Variants in FBN1 observed in about 807,000 individuals in gnomAD.
FBN1 encodes the protein fibrillin 1.
Under a neutral mutation model 365.1 loss-of-function variants are expected in FBN1, and 29 were observed. The ratio of observed to expected loss-of-function variants is 0.08; its 90% CI spans 0.06 to 0.11. The LOEUF is 0.11. Ranked by LOEUF, FBN1 falls within the 10% of genes least tolerant of loss-of-function variation. FBN1 has a pLI of 1.00. For synonymous variants in FBN1, 1,210 were observed against 1,270.5 expected (o/e 0.95, Z 1.01); for missense variants, 2,476 against 3,703.2 (o/e 0.67, Z 8.60).
At chr15:48,456,839 C>CGTGT (rs766292110) in intron 43 of FBN1, 77 bp from the exon 44 acceptor site, 46 of 999,492 alleles carry the variant, frequency 4.6e-5, no homozygotes, top group East Asian at 1.8e-4. Flanking sequence ...ATGGAAAGTG[C>CGTGT]GTGCGTGTGT....
chr15:48,539,229 A>G (rs978970747), intron 6 of FBN1, among the ~76,000 whole-genome samples: 3 of 152,174 alleles, frequency 2.0e-5, no homozygotes, highest in South Asian at 2.1e-4. Flanking sequence ...GCTATCTGCA[A>G]TGAACCACCT....
At chr15:48,422,151 T>G in intron 60 of FBN1, 83 bp from the exon 61 acceptor site, 1 of 942,616 alleles carries the variant, frequency 1.1e-6, no homozygotes, top group Non-Finnish European at 1.7e-6. Flanking sequence ...CAGCTCCACG[T>G]TTGATTTGGA....
intron 6 of FBN1, among the ~76,000 whole-genome samples, chr15:48,582,009 T>C (rs1170196832): frequency 6.6e-6 from 1 of 152,152 alleles, no homozygotes; most frequent in Non-Finnish European, 1.5e-5. Flanking sequence ...GCTGCATAAA[T>C]GGAAGGGATG....
intron 32 of FBN1, among the ~76,000 whole-genome samples, chr15:48,475,051 G>A (rs1300565044): frequency 1.3e-5 from 2 of 151,796 alleles, no homozygotes; most frequent in Non-Finnish European, 2.9e-5. Context: ...TTCATATCTT[G>A]TATAGACAAA....
intron 9 of FBN1, 104 bp downstream of exon 9, chr15:48,526,026 T>C: frequency 6.9e-7 from 1 of 1,445,134 alleles, no homozygotes; most frequent in Non-Finnish European, 9.7e-7. Context: ...ACATTTTACC[T>C]CAGTTGATAA....
At chr15:48,417,469 T>TTCCTTCCTTCCTTCCC (rs752328232) in intron 63 of FBN1, among the ~76,000 whole-genome samples, 1 of 33,544 alleles carries the variant, frequency 3.0e-5, no homozygotes, top group African/African-American at 8.1e-5. Flanking sequence ...CCTTCCTTCC[T>TTCCTTCCTTCCTTCCC]TTCCTTCCTT....
intron 2 of FBN1, among the ~76,000 whole-genome samples, chr15:48,623,707 T>C (rs1203289251): frequency 6.6e-6 from 1 of 152,190 alleles, no homozygotes; most frequent in East Asian, 1.9e-4. Flanking sequence ...TTGATAGGTC[T>C]CTTTGGATGT....
intron 50 of FBN1, among the ~76,000 whole-genome samples, chr15:48,440,024 C>T (rs939155423): frequency 7.9e-5 from 12 of 152,174 alleles, no homozygotes; most frequent in Middle Eastern, 3.2e-3. Flanking sequence ...CTCTCAATTT[C>T]CTGGCTCCAG....
chr15:48,571,389 T>C (rs773520996), intron 6 of FBN1, among the ~76,000 whole-genome samples: 2 of 152,150 alleles, frequency 1.3e-5, no homozygotes, highest in Non-Finnish European at 2.9e-5. Context: ...TGGAAGAACA[T>C]GAATAAAAAT....
At chr15:48,499,552 A>G (rs1396275580) in intron 17 of FBN1, among the ~76,000 whole-genome samples, 1 of 152,162 alleles carries the variant, frequency 6.6e-6, no homozygotes, top group Non-Finnish European at 1.5e-5. Flanking sequence ...TGTATTTTTA[A>G]AGTTAATATG....
chr15:48,589,848 C>T (rs1280527606), intron 6 of FBN1, among the ~76,000 whole-genome samples: 1 of 152,056 alleles, frequency 6.6e-6, no homozygotes, highest in South Asian at 2.1e-4. Flanking sequence ...GATCTCCTGA[C>T]CTCGTGATTC....
chr15:48,502,776 A>C (rs2043672019), intron 17 of FBN1, among the ~76,000 whole-genome samples: 1 of 152,206 alleles, frequency 6.6e-6, no homozygotes, highest in African/African-American at 2.4e-5. Context: ...TCTATTTTAT[A>C]ATTATGTTTA....
intron 53 of FBN1, among the ~76,000 whole-genome samples, chr15:48,434,922 G>A (rs949542622): frequency 6.6e-6 from 1 of 152,116 alleles, no homozygotes; most frequent in Admixed American, 6.6e-5. Context: ...TCAGCCTCCT[G>A]AGTAGCTGGA....
At chr15:48,495,641 A>G (rs2043601150) in intron 20 of FBN1, 53 bp from the exon 21 acceptor site, 1 of 1,612,184 alleles carries the variant, frequency 6.2e-7, no homozygotes, top group Non-Finnish European at 8.5e-7. Context: ...TGGGCCTAAA[A>G]GAGTACTTCA....
intron 6 of FBN1, among the ~76,000 whole-genome samples, chr15:48,553,567 T>G (rs1008895938): frequency 5.9e-5 from 9 of 152,248 alleles, no homozygotes; most frequent in African/African-American, 2.2e-4. Flanking sequence ...CGCAGCTTTA[T>G]AGTCTATTGT....
chr15:48,575,359 GT>G (rs2044337509), intron 6 of FBN1, among the ~76,000 whole-genome samples: 1 of 150,224 alleles, frequency 6.7e-6, no homozygotes, highest in East Asian at 2.1e-4. Flanking sequence ...ATGTATGTAT[GT>G]ATGTATTTAG....
intron 2 of FBN1, chr15:48,641,288 A>G (rs1890192170): frequency 6.8e-6 from 1 of 146,992 alleles, no homozygotes; most frequent in Admixed American, 6.6e-5. Context: ...TTTGCTGCCC[A>G]GTGGGGAGAG....
At chr15:48,440,911 A>AC (rs1400937772) in intron 50 of FBN1, among the ~76,000 whole-genome samples, 2 of 151,540 alleles carry the variant, frequency 1.3e-5, no homozygotes, top group Admixed American at 6.6e-5. Flanking sequence ...AAAAAAAAAA[A>AC]AAACCCAACT....
chr15:48,556,623 T>G (rs2044182952), intron 6 of FBN1, among the ~76,000 whole-genome samples: 2 of 152,164 alleles, frequency 1.3e-5, no homozygotes, highest in South Asian at 4.1e-4. Context: ...ACGCCAGGTA[T>G]TCTTACAGCA....
Sources: allele counts gnomAD v4.1 joint callset (sites outside exome capture counted in the v4.1 genomes callset), GRCh38; gene constraint gnomAD v4.1.1; transcripts MANE v1.5; gene names NCBI Gene and HGNC (gene_info 2026-07-23, HGNC 2026-07-21).